Variants in LY6S observed in about 807,000 individuals in gnomAD.
The protein encoded by LY6S is lymphocyte antigen 6 family member S.
the LY6S span, among the ~76,000 whole-genome samples, chr8:143,046,164 T>G: frequency 1.3e-5 from 2 of 152,180 alleles, no homozygotes; most frequent in Admixed American, 6.5e-5. Flanking sequence ...AATTTACTCT[T>G]TATACTAGAA....
chr8:143,043,789 C>T, the LY6S span, among the ~76,000 whole-genome samples: 2 of 152,194 alleles, frequency 1.3e-5, no homozygotes, highest in Admixed American at 6.5e-5. Context: ...GATTCTCCTG[C>T]CTCAGCCTCC....
chr8:143,051,968 T>C, the LY6S span, among the ~76,000 whole-genome samples: 1 of 124,482 alleles, frequency 8.0e-6, no homozygotes, highest in Non-Finnish European at 1.7e-5. Context: ...TGAGACTCTG[T>C]CTCAAAAAAA....
At chr8:143,051,250 C>T in the LY6S span, among the ~76,000 whole-genome samples, 2 of 152,286 alleles carry the variant, frequency 1.3e-5, no homozygotes, top group Admixed American at 6.5e-5. Context: ...TCCATCTTAA[C>T]TACAAAAGAA....
At chr8:143,062,406 G>C in the LY6S span, among the ~76,000 whole-genome samples, 2 of 152,208 alleles carry the variant, frequency 1.3e-5, no homozygotes, top group Admixed American at 1.3e-4. Context: ...GGTAGCTCAC[G>C]CCTGTAATCC....
the LY6S span, among the ~76,000 whole-genome samples, chr8:143,074,031 G>C: frequency 6.6e-6 from 1 of 151,910 alleles, no homozygotes; most frequent in Non-Finnish European, 1.5e-5. Flanking sequence ...TAGTGCTAAG[G>C]TGTTTTTTTC....
At chr8:143,070,449 T>TAC in the LY6S span, among the ~76,000 whole-genome samples, 7 of 25,016 alleles carry the variant, frequency 2.8e-4, no homozygotes, top group East Asian at 1.3e-3. Flanking sequence ...ATATATTGTA[T>TAC]ATATATATAT....
chr8:143,041,239 C>T, the LY6S span, among the ~76,000 whole-genome samples: 1 of 152,194 alleles, frequency 6.6e-6, no homozygotes, highest in Non-Finnish European at 1.5e-5. Flanking sequence ...TTATCTACAA[C>T]TGTAAAAGGC....
the LY6S span, among the ~76,000 whole-genome samples, chr8:143,072,882 T>A: frequency 7.5e-6 from 1 of 132,810 alleles, no homozygotes; most frequent in East Asian, 2.2e-4. Context: ...GAGACAGCCG[T>A]CGTCCCCGGG....
At chr8:143,072,781 C>T in the LY6S span, among the ~76,000 whole-genome samples, 1 of 136,158 alleles carries the variant, frequency 7.3e-6, no homozygotes, top group Non-Finnish European at 1.6e-5. Flanking sequence ...AGACAGCCGT[C>T]GTCCCCGGGG....
the LY6S span, among the ~76,000 whole-genome samples, chr8:143,065,629 T>C: frequency 6.6e-6 from 1 of 152,018 alleles, no homozygotes; most frequent in South Asian, 2.1e-4. Flanking sequence ...CCTCCCTAGA[T>C]GACTGTGTAG....
At chr8:143,052,292 A>AT in the LY6S span, among the ~76,000 whole-genome samples, 1 of 152,176 alleles carries the variant, frequency 6.6e-6, no homozygotes, top group African/African-American at 2.4e-5. Context: ...AAAAAAAAAA[A>AT]TTTACATAAT....
At chr8:143,072,547 CT>C in the LY6S span, among the ~76,000 whole-genome samples, 3 of 143,580 alleles carry the variant, frequency 2.1e-5, no homozygotes, top group South Asian at 2.3e-4. Flanking sequence ...AGCCGTCGTC[CT>C]CGTGGTCCCT....
At chr8:143,045,400 G>A in the LY6S span, among the ~76,000 whole-genome samples, 16 of 152,174 alleles carry the variant, frequency 1.1e-4, no homozygotes, top group African/African-American at 3.1e-4. The surrounding 1 kb of genome is among the most constrained non-coding windows in gnomAD (Gnocchi z 5.3). Context: ...AGCAGCCCTC[G>A]GACTCCTCAC....
At chr8:143,064,295 T>C in the LY6S span, among the ~76,000 whole-genome samples, 3 of 152,214 alleles carry the variant, frequency 2.0e-5, no homozygotes, top group African/African-American at 4.8e-5. Flanking sequence ...AGCAGTTGCA[T>C]TTCGCCCTTC....
the LY6S span, among the ~76,000 whole-genome samples, chr8:143,071,557 G>A: frequency 6.6e-6 from 1 of 152,142 alleles, no homozygotes; most frequent in Non-Finnish European, 1.5e-5. Flanking sequence ...GTGAGACAGG[G>A]CAGGATACAC....
the LY6S span, among the ~76,000 whole-genome samples, chr8:143,076,407 TATCC>T: frequency 6.6e-6 from 1 of 152,144 alleles, no homozygotes; most frequent in Non-Finnish European, 1.5e-5. Flanking sequence ...CCCAGACACC[TATCC>T]CCAGATTAAG....
the LY6S span, among the ~76,000 whole-genome samples, chr8:143,051,896 C>T: frequency 6.1e-5 from 9 of 147,066 alleles, no homozygotes; most frequent in East Asian, 2.1e-4. Context: ...CACTTGAACC[C>T]GGGAGGCAGA....
chr8:143,075,140 T>C, the LY6S span, among the ~76,000 whole-genome samples: 2 of 152,252 alleles, frequency 1.3e-5, no homozygotes, highest in Admixed American at 1.3e-4. The surrounding 1 kb of genome is among the most constrained non-coding windows in gnomAD (Gnocchi z 4.1). Flanking sequence ...TGGATCTTTT[T>C]TCCTTATTCA....
the LY6S span, among the ~76,000 whole-genome samples, chr8:143,071,834 G>A: frequency 6.6e-6 from 1 of 152,214 alleles, no homozygotes; most frequent in South Asian, 2.1e-4. Context: ...AAGATCTACG[G>A]GAGTTTCCCT....
Sources: allele counts gnomAD v4.1 joint callset (sites outside exome capture counted in the v4.1 genomes callset), GRCh38; gene constraint gnomAD v4.1.1; non-coding constraint Gnocchi (gnomAD v3.1); transcripts MANE v1.5; gene names NCBI Gene and HGNC (gene_info 2026-07-23, HGNC 2026-07-21).